The following ANKRD24 variants were observed in gnomAD, a reference collection of about 807,000 sequenced individuals.
ANKRD24 encodes the protein ankyrin repeat domain 24, also known as ankyrin repeat domain-containing protein 24.
ANKRD24 carries 109 observed loss-of-function variants against 127.8 expected under a neutral mutation model. The ratio of observed to expected loss-of-function variants is 0.85; its 90% CI spans 0.73 to 1.00. The LOEUF (loss-of-function observed/expected upper bound fraction) is 1.00, where lower values mean the gene tolerates loss of function less well. ANKRD24 is among the 50% of genes least tolerant of loss of function. ANKRD24 has a pLI of 0.00. For synonymous variants in ANKRD24, 743 were observed against 671.1 expected (o/e 1.11, Z -1.66); for missense variants, 1,648 against 1,570.2 (o/e 1.05, Z -0.84).
intron 19 of ANKRD24, among the ~76,000 whole-genome samples, chr19:4,222,351 T>C (rs1970488064): frequency 6.6e-6 from 1 of 152,120 alleles, no homozygotes; most frequent in Non-Finnish European, 1.5e-5. Flanking sequence ...ATCACACCAC[T>C]GCACTCCAGC....
At chr19:4,222,456 G>A (rs961272592) in intron 19 of ANKRD24, among the ~76,000 whole-genome samples, 2 of 152,166 alleles carry the variant, frequency 1.3e-5, no homozygotes, top group Non-Finnish European at 2.9e-5. Flanking sequence ...ATAAAAACAG[G>A]CTGTGTTGGT....
chr19:4,211,899 C>A (rs921836048), intron 13 of ANKRD24, among the ~76,000 whole-genome samples: 1 of 151,894 alleles, frequency 6.6e-6, no homozygotes, highest in Non-Finnish European at 1.5e-5. Context: ...ACAAAGTAGG[C>A]ACCTAATAAA....
At chr19:4,208,012 T>G in intron 10 of ANKRD24, 44 bp downstream of exon 10, 1 of 1,425,032 alleles carries the variant, frequency 7.0e-7, no homozygotes, top group South Asian at 1.6e-5. Context: ...TCTTGGCAGC[T>G]TCTTGTCACT....
At chr19:4,204,194 T>A (rs1339854086) in intron 7 of ANKRD24, among the ~76,000 whole-genome samples, 1 of 146,152 alleles carries the variant, frequency 6.8e-6, no homozygotes, top group Non-Finnish European at 1.5e-5. Context: ...CTTGATCTCC[T>A]GACCTCGTGA....
intron 2 of ANKRD24, among the ~76,000 whole-genome samples, chr19:4,194,438 C>G (rs777879089): frequency 5.3e-5 from 8 of 152,186 alleles, no homozygotes; most frequent in Non-Finnish European, 1.2e-4. Flanking sequence ...TAGGCGTGAA[C>G]CACCGCACCT....
chr19:4,185,895 T>G (rs1968036051), intron 1 of ANKRD24, among the ~76,000 whole-genome samples: 1 of 151,894 alleles, frequency 6.6e-6, no homozygotes, highest in Non-Finnish European at 1.5e-5. Flanking sequence ...ATTTGGGGAG[T>G]TAGATCTCTG....
rs1254724574 is a variant in ANKRD24 at position 4,222,938 on chromosome 19, C to G, written c.3297+143C>G. On this transcript the variant is annotated intron_variant, in intron 20 of 21. Coordinates refer to ENST00000318934, the MANE Select transcript of ANKRD24 (RefSeq NM_001393985.1). ...GTCCACATCACATGCACGGCATGGC[C>G]AGGAAATACTTCCTTTATTTTTTTT... is the stretch of plus-strand genomic sequence containing the variant. 25 of 976,092 alleles carry G rather than the reference C, an allele frequency of 2.6e-5. No homozygotes were observed. The East Asian group carries it at 7.1e-4, about 28-fold the overall frequency. 60.5% of individuals were successfully genotyped at this position (976,092 alleles called of 1,614,324 possible). A position where few individuals can be genotyped will look rare whatever the true frequency, so the allele number is the denominator to read the frequency against.
rs931503680 is a variant in ANKRD24 at position 4,211,484 on chromosome 19, C to CA, written c.1060-981dup. On this transcript the variant is annotated intron_variant, in intron 13 of 21. Transcript: ENST00000318934. ...TGAAACCCTGTCTCTACTAAAAATA[C>CA]AAAAAAAAAATTAGCTGGGCATGGT... Among the ~76,000 whole-genome samples the CA allele has an allele frequency of 6.8e-3, 1,007 of 148,410 alleles. 8 individuals are homozygous for CA. Among genetic ancestry groups the CA allele is most frequent in the African/African-American group, 0.024 (965 of 40,500 alleles).
Position 4,195,052 on chromosome 19 carries a change from G to A in ANKRD24, c.37-4631G>A, listed in dbSNP as rs1042330491. Among the ~76,000 whole-genome samples the A allele has an allele frequency of 2.1e-5, 3 of 139,894 alleles. No individual in the cohort carries two copies. The highest frequency in any genetic ancestry group is 3.2e-5 in the Non-Finnish European group (2 of 63,476). The allele number at this position is 139,894 out of a possible 152,430, so 91.8% of individuals were successfully genotyped here. ...GTGCGATCTCGGCGTGAGCCACCGC[G>A]CCCAGGTTTTTGTTTGTTTGTTTGT... is the stretch of plus-strand genomic sequence containing the variant. On this transcript the variant is annotated intron_variant, in intron 2 of 21. Coordinates refer to ENST00000318934, the MANE Select transcript of ANKRD24 (RefSeq NM_001393985.1). This position sits in a 1 kb window ranked among gnomAD's most constrained non-coding sequence, Gnocchi z 4.2.
At chr19:4,222,192 CA>C (rs1295493066) in intron 19 of ANKRD24, among the ~76,000 whole-genome samples, 1 of 152,184 alleles carries the variant, frequency 6.6e-6, no homozygotes, top group Non-Finnish European at 1.5e-5. Flanking sequence ...AGTTCAAGAC[CA>C]GCCTGGCCAA....
rs553094272 is a variant in ANKRD24 at position 4,207,652 on chromosome 19, C to T, written c.644+45C>T. The T allele has an allele frequency of 4.0e-5, 65 of 1,606,630 alleles. No homozygotes were observed. The South Asian group carries it at 5.9e-4, about 15-fold the overall frequency. The stretch of plus-strand genomic sequence containing the variant: ...GCCAGTCCACCCTATGCTGTGTGAC[C>T]TTCGGCAAGACTTAACCTAAGTAAG... On this transcript the variant is annotated intron_variant, in intron 9 of 21. Coordinates refer to ENST00000318934, the MANE Select transcript of ANKRD24 (RefSeq NM_001393985.1).
chr19:4,210,535 G>A lies in ANKRD24; in HGVS notation c.1059+163G>A, dbSNP rs45459399. On this transcript the variant is annotated intron_variant, in intron 13 of 21. Coordinates refer to ENST00000318934, the MANE Select transcript of ANKRD24 (RefSeq NM_001393985.1). ...TCGCTGTTCCTCCAACTCGCCAGGCGCAGTCCTGCCTCAGGGCCTTTGCAC... is the reference window on the plus strand; with the variant it reads ...TCGCTGTTCCTCCAACTCGCCAGGCACAGTCCTGCCTCAGGGCCTTTGCAC... Among the ~76,000 whole-genome samples the A allele has an allele frequency of 3.7e-3, 555 of 151,758 alleles. 3 individuals carry two copies. The highest frequency in any genetic ancestry group is 6.3e-3 in the Non-Finnish European group (431 of 67,920).
At chr19:4,206,144 AAAATAAATAAATAAATAAAT>A (rs145877935) in intron 7 of ANKRD24, among the ~76,000 whole-genome samples, 6 of 141,924 alleles carry the variant, frequency 4.2e-5, no homozygotes, top group Non-Finnish European at 4.6e-5. Flanking sequence ...CTCCGTCTCA[AAAATAAATAAATAAATAAAT>A]AAATAAATAA....
At chr19:4,185,841 G>T (rs1357900907) in intron 1 of ANKRD24, among the ~76,000 whole-genome samples, 1 of 152,178 alleles carries the variant, frequency 6.6e-6, no homozygotes, top group Non-Finnish European at 1.5e-5. Flanking sequence ...TGGAGCCAGG[G>T]GTGAGGCAGA....
intron 10 of ANKRD24, 129 bp downstream of exon 10, chr19:4,208,097 A>C: frequency 1.0e-6 from 1 of 986,106 alleles, no homozygotes; most frequent in South Asian, 2.4e-5. Context: ...GAGCTTACCC[A>C]ATTCTACTCA....
At chr19:4,222,592 T>C in intron 19 of ANKRD24, 78 bp from the exon 20 acceptor site, 2 of 1,441,614 alleles carry the variant, frequency 1.4e-6, no homozygotes, top group Non-Finnish European at 9.2e-7. Flanking sequence ...ATCCCTGGCC[T>C]CTTCCTGCGG....
intron 1 of ANKRD24, chr19:4,183,276 G>A: frequency 5.1e-6 from 5 of 985,660 alleles, no homozygotes; most frequent in Non-Finnish European, 6.0e-6. Context: ...CACTGCGTCC[G>A]GCCAAGTTAT....
At chr19:4,213,209 TCTTCCC>T (rs1346561687) in intron 15 of ANKRD24, among the ~76,000 whole-genome samples, 23 of 148,464 alleles carry the variant, frequency 1.5e-4, no homozygotes, top group African/African-American at 3.5e-4. Flanking sequence ...GACCTTCCTT[TCTTCCC>T]CTTCTCCTTC....
chr19:4,217,249 G>C lies in ANKRD24; in HGVS notation c.2089G>C (p.Val697Leu), dbSNP rs1414138765. The change falls in exon 18 of 22, where the codon GTA becomes CTA. Residue 697 changes from valine to leucine, a missense_variant. Transcript: ENST00000318934. ...TGCCACAGGTGTGGAGAACCCAGGG[G>C]TAGAGGCCACGGTCCCGGGGATCTC... ...VSATGVENPGVEATVPGISAG... is the reference protein window; with the variant it reads ...VSATGVENPGLEATVPGISAG... 6.3e-7 allele frequency: 1 copy of C among 1,590,474 alleles called. No individual in the cohort carries two copies. Among genetic ancestry groups the C allele is most frequent in the South Asian group, 1.1e-5 (1 of 87,928 alleles).
Sources: gnomAD v4.1 joint callset for allele counts (sites outside exome capture counted in the v4.1 genomes callset) on GRCh38, gnomAD v4.1.1 for gene constraint, Gnocchi (gnomAD v3.1) non-coding constraint, MANE v1.5 for transcripts, NCBI Gene and HGNC (gene_info 2026-07-23, HGNC 2026-07-21) for gene names.